Variants in FBXO10 observed in about 807,000 individuals in gnomAD.
FBXO10 encodes the protein F-box protein 10, also known as F-box only protein 10.
A neutral mutation model predicts 80.7 loss-of-function variants in FBXO10; 39 were observed. That is an observed-to-expected ratio of 0.48 (90% confidence interval 0.37 to 0.63). The LOEUF is 0.63. Among genes scored for constraint, FBXO10 ranks in the 30% least tolerant of loss-of-function variants. The pLI is 0.00. For synonymous variants in FBXO10, 449 were observed against 489.6 expected (o/e 0.92, Z 1.09); for missense variants, 1,025 against 1,269.0 (o/e 0.81, Z 2.92).
chr9:37,516,195 C>T, intron 9 of FBXO10, 110 bp from the exon 10 acceptor site: 1 of 1,258,642 alleles, frequency 7.9e-7, no homozygotes, highest in Non-Finnish European at 1.1e-6. Flanking sequence ...ACATGCCAGG[C>T]AGGTCAGTGA....
At chr9:37,537,971 G>T in intron 2 of FBXO10, 28 bp from the exon 3 acceptor site, 1 of 1,580,930 alleles carries the variant, frequency 6.3e-7, no homozygotes, top group Non-Finnish European at 8.7e-7. Context: ...GAAAACGGCT[G>T]TAAGAGGGAT....
At chr9:37,516,527 C>T (rs1276974207) in intron 9 of FBXO10, among the ~76,000 whole-genome samples, 1 of 152,198 alleles carries the variant, frequency 6.6e-6, no homozygotes, top group Admixed American at 6.5e-5. Context: ...TGTAAAGAGG[C>T]TTTAGGCGAC....
intron 3 of FBXO10, among the ~76,000 whole-genome samples, chr9:37,533,883 A>C (rs1281070189): frequency 6.6e-6 from 1 of 151,968 alleles, no homozygotes; most frequent in Non-Finnish European, 1.5e-5. Context: ...AAAAAAAAAA[A>C]AACAAAAAAA....
chr9:37,536,749 T>C (rs1435989132), intron 3 of FBXO10, among the ~76,000 whole-genome samples: 1 of 152,048 alleles, frequency 6.6e-6, no homozygotes, highest in Non-Finnish European at 1.5e-5. Flanking sequence ...GGAGTGAAGG[T>C]AGTAATCATA....
chr9:37,518,058 A>T, intron 9 of FBXO10, 67 bp downstream of exon 9: 1 of 1,492,804 alleles, frequency 6.7e-7, no homozygotes, highest in Non-Finnish European at 9.1e-7. Context: ...AGCAGAGGCC[A>T]CGAGGACTAT....
chr9:37,538,391 A>G (rs1488425176), intron 2 of FBXO10, among the ~76,000 whole-genome samples: 1 of 152,200 alleles, frequency 6.6e-6, no homozygotes, highest in Non-Finnish European at 1.5e-5. Context: ...TGCCATTGCC[A>G]GGAAGCATTG....
At chr9:37,568,032 T>C (rs1822652958) in intron 1 of FBXO10, among the ~76,000 whole-genome samples, 1 of 152,146 alleles carries the variant, frequency 6.6e-6, no homozygotes. Context: ...ATATGAGGAA[T>C]GAAGCCAAAC....
chr9:37,518,049 G>A, intron 9 of FBXO10, 76 bp downstream of exon 9: 2 of 1,434,336 alleles, frequency 1.4e-6, no homozygotes, highest in Non-Finnish European at 1.9e-6. Context: ...TCTGTTCTCA[G>A]CAGAGGCCAC....
chr9:37,522,813 C>T lies in FBXO10; in HGVS notation c.1930+12G>A. ...CCTGCCTCCCCGGCTGGGTTGGGAACAAGCTCCTCACCGTAGATGGTATTT... is the reference window on the plus strand; with the variant it reads ...CCTGCCTCCCCGGCTGGGTTGGGAATAAGCTCCTCACCGTAGATGGTATTT... On this transcript the variant is annotated intron_variant, in intron 7 of 10. Coordinates refer to ENST00000432825, the MANE Select transcript of FBXO10 (RefSeq NM_012166.3). 3.9e-6 allele frequency: 6 copies of T among 1,551,584 alleles called. No individual in the cohort carries two copies. The highest frequency in any genetic ancestry group is 5.2e-6 in the Non-Finnish European group (6 of 1,146,916).
chr9:37,541,408 G>T lies in FBXO10; in HGVS notation c.361C>A (p.Leu121Met), dbSNP rs756263061. ...SVGPGREFDS[L>M]GSALAMASLY... The stretch of plus-strand genomic sequence containing the variant: ...CTGGCCATGGCCAAGGCACTGCCCA[G>T]GCTGTCAAACTCACGGCCTGGCCCA... Residue 121 changes from leucine (L) to methionine (M), a missense_variant, in exon 2 of 11, where the codon CTG (leucine) becomes ATG (methionine). Physicochemically the swap from Leu to Met is conservative, Grantham distance 15. This residue lies in a region of FBXO10 where 450 missense variants were observed against 499.4 expected (regional missense o/e 0.90). Transcript: ENST00000432825. 1.6e-5 allele frequency: 26 copies of T among 1,614,070 alleles called. No homozygotes were observed. Among genetic ancestry groups the T allele is most frequent in the Non-Finnish European group, 2.2e-5 (26 of 1,179,892 alleles).
intron 2 of FBXO10, among the ~76,000 whole-genome samples, chr9:37,540,922 T>A (rs10122829): frequency 6.6e-6 from 1 of 152,074 alleles, no homozygotes; most frequent in Non-Finnish European, 1.5e-5. Context: ...GTTGGTCCAG[T>A]TGGAAAGGGA....
chr9:37,524,967 G>T, intron 6 of FBXO10, 135 bp downstream of exon 6: 2 of 740,416 alleles, frequency 2.7e-6, no homozygotes, highest in South Asian at 1.9e-5. Context: ...TGGCGTCCCT[G>T]AGCTCCAGCC....
At chr9:37,514,906 G>A (rs1372701890) in intron 10 of FBXO10, 1 of 150,188 alleles carries the variant, frequency 6.7e-6, no homozygotes, top group Admixed American at 6.6e-5. Context: ...TCCCGAGAGT[G>A]TGTGTAATAC....
chr9:37,547,987 C>G (rs1822099392), intron 1 of FBXO10, among the ~76,000 whole-genome samples: 1 of 151,918 alleles, frequency 6.6e-6, no homozygotes, highest in Non-Finnish European at 1.5e-5. Flanking sequence ...TGCTTGCCAG[C>G]AAGGTGGAGA....
intron 8 of FBXO10, among the ~76,000 whole-genome samples, chr9:37,520,631 T>C (rs913341317): frequency 6.7e-6 from 1 of 150,132 alleles, no homozygotes; most frequent in Non-Finnish European, 1.5e-5. Context: ...CCCAAAGTCC[T>C]GGGATTACAG....
intron 10 of FBXO10, among the ~76,000 whole-genome samples, chr9:37,513,741 C>T (rs1705091517): frequency 6.6e-6 from 1 of 152,100 alleles, no homozygotes; most frequent in Non-Finnish European, 1.5e-5. Flanking sequence ...AGTTGCGTGC[C>T]ATGATGCCCA....
intron 1 of FBXO10, among the ~76,000 whole-genome samples, chr9:37,568,818 C>T (rs1428175101): frequency 2.0e-5 from 3 of 151,906 alleles, no homozygotes; most frequent in Admixed American, 6.6e-5. Context: ...CCACTTATAA[C>T]GGAAATCTAT....
At chr9:37,545,011 A>AAAAG (rs1347904303) in intron 1 of FBXO10, among the ~76,000 whole-genome samples, 6,073 of 138,542 alleles carry the variant, frequency 0.044, 564 homozygotes, top group African/African-American at 0.16. Flanking sequence ...AAAAAAAAAA[A>AAAAG]AGAGAGAGAA....
chr9:37,512,468 G>C lies in FBXO10; in HGVS notation c.*79C>G, dbSNP rs1564329806. The C allele has an allele frequency of 2.0e-6, 3 of 1,495,120 alleles. No individual in the cohort carries two copies. The South Asian group carries it at 3.9e-5, about 19-fold the overall frequency. The allele number at this position is 1,495,120 out of a possible 1,614,324, so 92.6% of individuals were successfully genotyped here. On this transcript the variant is annotated 3_prime_UTR_variant, in exon 11 of 11. Coordinates refer to ENST00000432825, the MANE Select transcript of FBXO10 (RefSeq NM_012166.3). ...TTGTTCGAGGGGGAGGGGGAGGGGC[G>C]GAGTCTTTTCAGGCAGTATTTCCAC...
Sources: allele counts gnomAD v4.1 joint callset (sites outside exome capture counted in the v4.1 genomes callset), GRCh38; gene constraint gnomAD v4.1.1; regional missense constraint gnomAD v4.1.1; transcripts MANE v1.5; gene names NCBI Gene and HGNC (gene_info 2026-07-23, HGNC 2026-07-21).